Variants in SMYD3 observed in about 807,000 individuals in gnomAD.
The protein encoded by SMYD3 is histone-lysine N-methyltransferase SMYD3.
SMYD3 carries 36 observed loss-of-function variants against 57.7 expected under a neutral mutation model. That is an observed-to-expected ratio of 0.62 (90% CI 0.48 to 0.82). The LOEUF is 0.82. Ranked by LOEUF, SMYD3 falls within the 40% of genes least tolerant of loss-of-function variation. The probability of loss-of-function intolerance (pLI) is 0.00; values close to 1 mark genes in which losing one functional copy is unlikely to be tolerated. For synonymous variants in SMYD3, 211 were observed against 195.0 expected, an observed-to-expected ratio of 1.08 and a Z score of -0.68; for missense variants, 515 against 538.8, an observed-to-expected ratio of 0.96 and a Z score of 0.44.
intron 5 of SMYD3, among the ~76,000 whole-genome samples, chr1:246,065,149 C>A (rs183053291): frequency 1.3e-5 from 2 of 152,310 alleles, no homozygotes; most frequent in East Asian, 3.9e-4. Flanking sequence ...TTCTCAGTAT[C>A]CCATTCCTAG....
rs1404625243 is a variant in SMYD3, at chr1:246,224,477, A to G, written c.531+102724T>C. On this transcript the variant is annotated intron_variant, in intron 5 of 11. Transcript: ENST00000490107. Reference sequence around the variant, plus strand: ...AGAGAGGAAACCCAGGGGCAGATATATTAGTACTGAAATAGCATAAGGGAT... The same window carrying G: ...AGAGAGGAAACCCAGGGGCAGATATGTTAGTACTGAAATAGCATAAGGGAT... Among the ~76,000 whole-genome samples, 3 of 152,092 alleles carry G rather than the reference A, an allele frequency of 2.0e-5. No individual in the cohort carries two copies. The East Asian group carries it at 5.8e-4, about 29-fold the overall frequency.
At chr1:246,294,229 C>T (rs540312645) in intron 5 of SMYD3, among the ~76,000 whole-genome samples, 4 of 152,238 alleles carry the variant, frequency 2.6e-5, no homozygotes, top group East Asian at 1.9e-4. Context: ...TAAATACCGG[C>T]GTCCCCAGCA....
intron 5 of SMYD3, among the ~76,000 whole-genome samples, chr1:245,939,961 C>T (rs1309657985): frequency 4.6e-5 from 7 of 152,122 alleles, no homozygotes; most frequent in Non-Finnish European, 8.8e-5. Context: ...CAGTCGGTGC[C>T]GGGGAGACTG....
At chr1:245,977,491 C>G (rs888398099) in intron 5 of SMYD3, among the ~76,000 whole-genome samples, 1 of 152,158 alleles carries the variant, frequency 6.6e-6, no homozygotes, top group African/African-American at 2.4e-5. Context: ...CCAGCCTGGG[C>G]AACATGGTGA....
chr1:246,382,217 C>T (rs2066399720), intron 1 of SMYD3, among the ~76,000 whole-genome samples: 1 of 151,786 alleles, frequency 6.6e-6, no homozygotes, highest in African/African-American at 2.4e-5. Context: ...AGGCCCAACG[C>T]AGGCTCCAGG....
chr1:245,761,689 A>C (rs1437840111), intron 11 of SMYD3, among the ~76,000 whole-genome samples: 1 of 152,052 alleles, frequency 6.6e-6, no homozygotes, highest in Non-Finnish European at 1.5e-5. Flanking sequence ...TAACTGGACC[A>C]GTCTAGAGGA....
intron 1 of SMYD3, among the ~76,000 whole-genome samples, chr1:246,371,805 G>A (rs770958935): frequency 4.6e-5 from 7 of 152,136 alleles, no homozygotes; most frequent in East Asian, 1.9e-4. Flanking sequence ...CTTCAGCTTC[G>A]GGGGTGGGAA....
At chr1:246,481,795 A>AGATC (rs1053453926) in intron 1 of SMYD3, among the ~76,000 whole-genome samples, 5 of 146,558 alleles carry the variant, frequency 3.4e-5, no homozygotes, top group African/African-American at 1.0e-4. Flanking sequence ...AGAGAGAGAG[A>AGATC]GATCGATCGA....
chr1:246,451,066 G>C (rs559160604), intron 1 of SMYD3, among the ~76,000 whole-genome samples: 1 of 152,320 alleles, frequency 6.6e-6, no homozygotes, highest in East Asian at 1.9e-4. Flanking sequence ...GCAGGTGCCT[G>C]CCGGTCCTGG....
At chr1:246,179,495 G>A (rs1032264930) in intron 5 of SMYD3, among the ~76,000 whole-genome samples, 5 of 152,104 alleles carry the variant, frequency 3.3e-5, no homozygotes, top group Admixed American at 3.3e-4. Flanking sequence ...GAAATAATGT[G>A]CTGAATAATC....
At chr1:245,822,328 A>G (rs2148344104) in intron 10 of SMYD3, among the ~76,000 whole-genome samples, 1 of 144,064 alleles carries the variant, frequency 6.9e-6, no homozygotes, top group East Asian at 2.2e-4. Flanking sequence ...ATTCTCACTC[A>G]TAGGTGGGAA....
chr1:246,121,613 GT>G (rs1247028898), intron 5 of SMYD3, among the ~76,000 whole-genome samples: 1 of 152,140 alleles, frequency 6.6e-6, no homozygotes, highest in Admixed American at 6.5e-5. Flanking sequence ...AGAAATAGCA[GT>G]GTTGATTATC....
chr1:246,111,707 C>T (rs2061246769), intron 5 of SMYD3, among the ~76,000 whole-genome samples: 1 of 152,218 alleles, frequency 6.6e-6, no homozygotes, highest in South Asian at 2.1e-4. Flanking sequence ...TTGCGTCCCA[C>T]AGCAGTCTGC....
intron 5 of SMYD3, among the ~76,000 whole-genome samples, chr1:246,079,573 A>C (rs2060604677): frequency 6.6e-6 from 1 of 152,180 alleles, no homozygotes; most frequent in Admixed American, 6.5e-5. Context: ...CACTCATGGG[A>C]AACAAAAACT....
At chr1:246,500,699 C>A (rs1299253753) in intron 1 of SMYD3, among the ~76,000 whole-genome samples, 1 of 148,266 alleles carries the variant, frequency 6.7e-6, no homozygotes, top group South Asian at 2.2e-4. Context: ...AGCCTCTATC[C>A]CCGTCCCCAT....
intron 5 of SMYD3, among the ~76,000 whole-genome samples, chr1:246,274,107 A>G (rs1343117825): frequency 2.6e-5 from 4 of 152,184 alleles, no homozygotes; most frequent in African/African-American, 9.7e-5. Flanking sequence ...TGATATAATA[A>G]TCCTGTGTAT....
chr1:246,061,988 T>C (rs887253895), intron 5 of SMYD3, among the ~76,000 whole-genome samples: 4 of 151,878 alleles, frequency 2.6e-5, no homozygotes, highest in South Asian at 2.1e-4. Flanking sequence ...GGGAAGTGAA[T>C]TGATTTTTCA....
chr1:246,103,384 G>A (rs1330767502), intron 5 of SMYD3, among the ~76,000 whole-genome samples: 1 of 151,676 alleles, frequency 6.6e-6, no homozygotes, highest in East Asian at 1.9e-4. Flanking sequence ...AAAATTATCT[G>A]TATCTTCATC....
At chr1:246,215,954 C>T (rs527984295) in intron 5 of SMYD3, among the ~76,000 whole-genome samples, 3 of 152,028 alleles carry the variant, frequency 2.0e-5, no homozygotes, top group South Asian at 4.1e-4. Context: ...ACAAGGAAAC[C>T]GAATAGAGAG....
Sources: gnomAD v4.1 joint callset for allele counts (sites outside exome capture counted in the v4.1 genomes callset) on GRCh38, gnomAD v4.1.1 for gene constraint, MANE v1.5 for transcripts, NCBI Gene and HGNC (gene_info 2026-07-23, HGNC 2026-07-21) for gene names.